Variants in MB21D2 observed in about 807,000 individuals in gnomAD.
MB21D2 encodes nucleotidyltransferase MB21D2.
In MB21D2, 9 loss-of-function variants were observed where a neutral mutation model predicts 33.3. The ratio of observed to expected loss-of-function variants is 0.27; its 90% CI spans 0.16 to 0.47. The LOEUF is 0.47. Among genes scored for constraint, MB21D2 ranks in the 20% least tolerant of loss-of-function variants. MB21D2 has a pLI of 0.99. For synonymous variants in MB21D2, 241 were observed against 236.3 expected, an observed-to-expected ratio of 1.02 and a Z score of -0.18; for missense variants, 540 against 624.6, an observed-to-expected ratio of 0.86 and a Z score of 1.44.
chr3:192,881,355 G>A (rs1022496001), intron 1 of MB21D2, among the ~76,000 whole-genome samples: 1 of 152,086 alleles, frequency 6.6e-6, no homozygotes, highest in African/African-American at 2.4e-5. Flanking sequence ...TGGTTGCTCT[G>A]TAGCTCTGTT....
At position 192,833,756 on chromosome 3, in the gene MB21D2, G is replaced by A. The variant is rs148831602; in HGVS notation, c.212-34106C>T. 1.4e-4 allele frequency among the ~76,000 whole-genome samples: 22 copies of A among 152,298 alleles called. No individual in the cohort carries two copies. In the East Asian group the frequency reaches 4.3e-3, roughly 29 times the overall value. On this transcript the variant is annotated intron_variant, in intron 1 of 1. Coordinates refer to ENST00000392452, the MANE Select transcript of MB21D2 (RefSeq NM_178496.4). The stretch of plus-strand genomic sequence containing the variant: ...AAGTTGTCAATACTTTAGAGCGTGG[G>A]ATAGTGTTACTCGCTGTTGTTGCAA...
intron 1 of MB21D2, among the ~76,000 whole-genome samples, chr3:192,916,582 G>A (rs142767054): frequency 0.025 from 3,807 of 152,284 alleles, 50 homozygotes; most frequent in Non-Finnish European, 0.032. Context: ...CGCCGGCCAC[G>A]CACCGCTTGA....
At chr3:192,917,200 G>T (rs1714486335) in intron 1 of MB21D2, among the ~76,000 whole-genome samples, 1 of 152,176 alleles carries the variant, frequency 6.6e-6, no homozygotes, top group African/African-American at 2.4e-5. Flanking sequence ...CCAAGCTCGG[G>T]AGAGCACCCA....
chr3:192,853,766 C>A (rs1447225631), intron 1 of MB21D2, among the ~76,000 whole-genome samples: 1 of 152,138 alleles, frequency 6.6e-6, no homozygotes, highest in Non-Finnish European at 1.5e-5. Context: ...CTGTGGCAAT[C>A]CTGCATCGAG....
chr3:192,908,033 T>G (rs1319522200), intron 1 of MB21D2, among the ~76,000 whole-genome samples: 1 of 152,168 alleles, frequency 6.6e-6, no homozygotes, highest in Admixed American at 6.5e-5. Context: ...TGCCCTAGGA[T>G]AGGTCTTAAG....
rs1470293878 is a variant in MB21D2, at chr3:192,861,444, A to G, written c.211+56186T>C. Among the ~76,000 whole-genome samples, 8 of 152,322 alleles carry G rather than the reference A, an allele frequency of 5.3e-5. No individual in the cohort carries two copies. In the East Asian group the frequency reaches 1.5e-3, roughly 29 times the overall value. On this transcript the variant is annotated intron_variant, in intron 1 of 1. Transcript: ENST00000392452. Reference sequence around the variant, plus strand: ...TAAAGCCTTTTCCATAGCTATCCCCAAATTACGTCTGGGTCCTGTTCTGAT... The same window carrying G: ...TAAAGCCTTTTCCATAGCTATCCCCGAATTACGTCTGGGTCCTGTTCTGAT...
rs57453651 is a variant in MB21D2, at chr3:192,868,638, A to T, written c.211+48992T>A. ...CAGTGGCAAAATAAGGAATCATCTT[A>T]AAGGGGGAAAAGACATATAGGCAAA... On this transcript the variant is annotated intron_variant, in intron 1 of 1. Transcript: ENST00000392452. Among the ~76,000 whole-genome samples, 1,215 of 152,252 alleles carry T rather than the reference A, an allele frequency of 8.0e-3. 38 individuals are homozygous for T. Among genetic ancestry groups the T allele is most frequent in the Admixed American group, 0.059 (895 of 15,296 alleles).
chr3:192,887,993 C>A (rs1381908396), intron 1 of MB21D2, among the ~76,000 whole-genome samples: 2 of 151,978 alleles, frequency 1.3e-5, no homozygotes, highest in East Asian at 3.8e-4. Context: ...GCGTAGGCTG[C>A]AAGCATTTGC....
intron 1 of MB21D2, among the ~76,000 whole-genome samples, chr3:192,822,790 G>C (rs1275929498): frequency 6.6e-6 from 1 of 152,144 alleles, no homozygotes; most frequent in Non-Finnish European, 1.5e-5. Context: ...TGTCAAAGAG[G>C]TACTGCTGGT....
intron 1 of MB21D2, among the ~76,000 whole-genome samples, chr3:192,816,384 A>G (rs756753725): frequency 4.6e-5 from 7 of 152,296 alleles, no homozygotes; most frequent in Middle Eastern, 3.4e-3. Flanking sequence ...GAAAAATTCC[A>G]TAATTCCAGT....
At chr3:192,832,368 C>G (rs1246337916) in intron 1 of MB21D2, among the ~76,000 whole-genome samples, 1 of 152,182 alleles carries the variant, frequency 6.6e-6, no homozygotes, top group Non-Finnish European at 1.5e-5. Flanking sequence ...AAAGATTTTA[C>G]TGAAGGCCAA....
chr3:192,908,589 A>ATT (rs914723478), intron 1 of MB21D2, among the ~76,000 whole-genome samples: 4 of 146,548 alleles, frequency 2.7e-5, no homozygotes, highest in Non-Finnish European at 4.5e-5. Flanking sequence ...AATGTTTCGT[A>ATT]TTTTTTTTTT....
intron 1 of MB21D2, among the ~76,000 whole-genome samples, chr3:192,895,653 C>A (rs933593058): frequency 1.2e-4 from 19 of 152,188 alleles, no homozygotes; most frequent in Admixed American, 7.9e-4. Flanking sequence ...GAAAATCTAG[C>A]TTTTGTTTAT....
rs71635401 is a variant in MB21D2, at chr3:192,901,413, C to CAAAAAAAAAAAA, written c.211+16205_211+16216dup. 1.3e-3 allele frequency among the ~76,000 whole-genome samples: 131 copies of CAAAAAAAAAAAA among 100,490 alleles called. 2 individuals carry two copies. The highest frequency in any genetic ancestry group is 3.0e-3 in the African/African-American group (79 of 26,218). 65.9% of individuals were successfully genotyped at this position (100,490 alleles called of 152,430 possible). A position where few individuals can be genotyped will look rare whatever the true frequency, so the allele number is the denominator to read the frequency against. On this transcript the variant is annotated intron_variant, in intron 1 of 1. Transcript: ENST00000392452. ...TGAAACCCCGTCTCTACTAAAAATT[C>CAAAAAAAAAAAA]AAAAAAAAAAAAAAAAAAAAAGACT...
chr3:192,798,255 A>T lies in MB21D2; in HGVS notation c.*131T>A. The T allele has an allele frequency of 1.0e-6, 1 of 993,846 alleles. No individual in the cohort carries two copies. Among genetic ancestry groups the T allele is most frequent in the Non-Finnish European group, 1.5e-6 (1 of 682,460 alleles). The allele number at this position is 993,846 out of a possible 1,614,324, so 61.6% of individuals were successfully genotyped here. On this transcript the variant is annotated 3_prime_UTR_variant, in exon 2 of 2. Coordinates refer to ENST00000392452, the MANE Select transcript of MB21D2 (RefSeq NM_178496.4). The surrounding 1 kb of genome is among the most constrained non-coding windows in gnomAD (Gnocchi z 4.8). Reference sequence around the variant, plus strand: ...AGAGCCTGCACCATCCTGCAGAACCAGGAAACTTAAAATTTGTTCTTAACA... The same window carrying T: ...AGAGCCTGCACCATCCTGCAGAACCTGGAAACTTAAAATTTGTTCTTAACA...
intron 1 of MB21D2, among the ~76,000 whole-genome samples, chr3:192,840,139 T>A (rs1299681279): frequency 6.6e-6 from 1 of 152,220 alleles, no homozygotes; most frequent in African/African-American, 2.4e-5. Flanking sequence ...AAGATCATTA[T>A]AAGTCTAATG....
intron 1 of MB21D2, among the ~76,000 whole-genome samples, chr3:192,883,655 G>C (rs1713658357): frequency 6.6e-6 from 1 of 152,094 alleles, no homozygotes; most frequent in African/African-American, 2.4e-5. Flanking sequence ...TTGTATCTCT[G>C]TGACAACAGA....
intron 1 of MB21D2, among the ~76,000 whole-genome samples, chr3:192,887,432 G>A (rs568313980): frequency 8.5e-5 from 13 of 152,220 alleles, no homozygotes; most frequent in Non-Finnish European, 1.5e-4. Flanking sequence ...AAATGTGAAC[G>A]TACTTAACAC....
intron 1 of MB21D2, among the ~76,000 whole-genome samples, chr3:192,825,534 C>G (rs1338281273): frequency 6.6e-6 from 1 of 152,194 alleles, no homozygotes; most frequent in Non-Finnish European, 1.5e-5. Context: ...AACATTCTCT[C>G]CTATTAAATG....
Sources: gnomAD v4.1 joint callset for allele counts (sites outside exome capture counted in the v4.1 genomes callset) on GRCh38, gnomAD v4.1.1 for gene constraint, Gnocchi (gnomAD v3.1) non-coding constraint, MANE v1.5 for transcripts, NCBI Gene and HGNC (gene_info 2026-07-23, HGNC 2026-07-21) for gene names.